GIPC2: variants seen among roughly 807,000 people sequenced by gnomAD.
GIPC2 encodes the protein GIPC PDZ domain containing family member 2, also known as PDZ domain-containing protein GIPC2.
A neutral mutation model predicts 30.6 loss-of-function variants in GIPC2; 30 were observed. The observed-to-expected ratio is 0.98, with a 90% confidence interval of 0.73 to 1.33. The LOEUF is 1.33. GIPC2 is among the 40% of genes most tolerant of loss of function. The probability of loss-of-function intolerance (pLI) is 0.00; values close to 1 mark genes in which losing one functional copy is unlikely to be tolerated. For missense variants in GIPC2, 414 were observed against 390.3 expected (o/e 1.06, Z -0.51); for synonymous variants, 167 against 150.0 (o/e 1.11, Z -0.83).
At chr1:78,083,451 A>G (rs1661869392) in intron 2 of GIPC2, among the ~76,000 whole-genome samples, 3 of 152,192 alleles carry the variant, frequency 2.0e-5, no homozygotes, top group South Asian at 4.1e-4. Context: ...AGTGTCCACT[A>G]GTCTTTTTCA....
intron 5 of GIPC2, among the ~76,000 whole-genome samples, chr1:78,132,703 A>G (rs1662923500): frequency 1.4e-5 from 1 of 70,828 alleles, no homozygotes; most frequent in East Asian, 5.5e-4. Context: ...GTGTGTAGAG[A>G]GAGAAATTGA....
intron 2 of GIPC2, among the ~76,000 whole-genome samples, chr1:78,087,494 G>C (rs550268679): frequency 6.6e-6 from 1 of 152,218 alleles, no homozygotes; most frequent in African/African-American, 2.4e-5. Context: ...TAAGCAATGG[G>C]GAAGACTCCC....
At chr1:78,067,520 C>T (rs1299328392) in intron 1 of GIPC2, among the ~76,000 whole-genome samples, 2 of 151,980 alleles carry the variant, frequency 1.3e-5, no homozygotes, top group Admixed American at 6.6e-5. Flanking sequence ...GTCGTGGTCT[C>T]AGCTCAATGC....
intron 1 of GIPC2, among the ~76,000 whole-genome samples, chr1:78,063,460 C>T (rs1375182587): frequency 1.3e-5 from 2 of 151,292 alleles, no homozygotes; most frequent in Admixed American, 6.6e-5. Context: ...CCATTACACT[C>T]CAGCCTGGGC....
In GIPC2 at chr1:78,066,257, A is replaced by T. The variant is rs115852259; in HGVS notation, c.241-14418A>T. Among the ~76,000 whole-genome samples the T allele has an allele frequency of 7.6e-4, 115 of 152,300 alleles. No individual in the cohort carries two copies. In the Middle Eastern group the frequency reaches 0.017, roughly 23 times the overall value. ...ACAGACACTTTTCAAAAGCAGACATACATGTGACCAACAGTCATATTAAAA... is the reference window on the plus strand; with the variant it reads ...ACAGACACTTTTCAAAAGCAGACATTCATGTGACCAACAGTCATATTAAAA... On this transcript the variant is annotated intron_variant, in intron 1 of 5. Coordinates refer to ENST00000370759, the MANE Select transcript of GIPC2 (RefSeq NM_017655.6).
At chr1:78,093,449 T>C (rs1465729132) in intron 2 of GIPC2, among the ~76,000 whole-genome samples, 1 of 152,234 alleles carries the variant, frequency 6.6e-6, no homozygotes, top group Non-Finnish European at 1.5e-5. Flanking sequence ...GACATTTGCA[T>C]ATAGCATGTT....
intron 5 of GIPC2, among the ~76,000 whole-genome samples, chr1:78,127,145 A>G (rs183766532): frequency 2.0e-5 from 3 of 152,294 alleles, no homozygotes; most frequent in Admixed American, 6.5e-5. Context: ...GAACTTGACT[A>G]TTTTGTTTAT....
chr1:78,058,509 A>G (rs1159631145), intron 1 of GIPC2, among the ~76,000 whole-genome samples: 2 of 152,180 alleles, frequency 1.3e-5, no homozygotes, highest in African/African-American at 4.8e-5. Context: ...AAAGGTGAAG[A>G]TGACATAGCC....
chr1:78,099,913 T>C (rs900065165), intron 3 of GIPC2, among the ~76,000 whole-genome samples: 1 of 152,062 alleles, frequency 6.6e-6, no homozygotes, highest in African/African-American at 2.4e-5. Flanking sequence ...GTGTTTTTGG[T>C]TAGAGGTTAT....
At chr1:78,129,272 A>G (rs1662844651) in intron 5 of GIPC2, among the ~76,000 whole-genome samples, 2 of 152,184 alleles carry the variant, frequency 1.3e-5, no homozygotes, top group Non-Finnish European at 2.9e-5. Flanking sequence ...CCATTGTTAA[A>G]TTAGGAATTT....
chr1:78,093,306 C>T (rs1049521250), intron 2 of GIPC2, among the ~76,000 whole-genome samples: 5 of 151,838 alleles, frequency 3.3e-5, no homozygotes, highest in Middle Eastern at 3.4e-3. Flanking sequence ...TGAGTGATTC[C>T]CATTGTTTCT....
rs2102629795 is a variant in GIPC2, at chr1:78,046,159, GC to G, written c.66del (p.Glu23SerfsTer64). ...AAGGAGACCGCCGGGCTGGTGGAGG[GC>G]GAGCCGACGGGCGCGGGCGGCGGGA... ...KSKETAGLVE[G>X]EPTGAGGGSL... On this transcript the variant is annotated frameshift_variant, in exon 1 of 6. Coordinates refer to ENST00000370759, the MANE Select transcript of GIPC2 (RefSeq NM_017655.6). LOFTEE classifies it high-confidence loss of function. The G allele has an allele frequency of 1.3e-6, 2 of 1,552,622 alleles. No individual in the cohort carries two copies. Among genetic ancestry groups the G allele is most frequent in the East Asian group, 4.9e-5 (2 of 40,668 alleles).
At chr1:78,046,428 T>C (rs1446077220) in intron 1 of GIPC2, 94 bp downstream of exon 1, 5 of 1,207,538 alleles carry the variant, frequency 4.1e-6, no homozygotes, top group Admixed American at 4.5e-5. Flanking sequence ...GAGCGGCGTT[T>C]CCCGGAGCGC....
At chr1:78,095,266 T>C in intron 3 of GIPC2, 134 bp downstream of exon 3, 1 of 584,240 alleles carries the variant, frequency 1.7e-6, no homozygotes, top group Non-Finnish European at 3.1e-6. Context: ...GTTAAAAACA[T>C]AGAAAATGGT....
intron 5 of GIPC2, among the ~76,000 whole-genome samples, chr1:78,129,540 T>A (rs1393184199): frequency 6.6e-6 from 1 of 152,256 alleles, no homozygotes; most frequent in East Asian, 1.9e-4. Flanking sequence ...GAGGTGTTTA[T>A]TATTTGAAAA....
upstream of GIPC2, chr1:78,045,451 G>T: frequency 2.1e-6 from 1 of 480,526 alleles, no homozygotes; most frequent in Non-Finnish European, 2.7e-6. Flanking sequence ...AAATGGCTTT[G>T]GAGGCGTGCT....
chr1:78,090,151 G>T (rs896920212), intron 2 of GIPC2, among the ~76,000 whole-genome samples: 3 of 152,012 alleles, frequency 2.0e-5, no homozygotes, highest in Admixed American at 2.0e-4. Context: ...GATGACACCT[G>T]GTTTAAGAGA....
intron 1 of GIPC2, among the ~76,000 whole-genome samples, chr1:78,048,391 A>G (rs1216418286): frequency 2.0e-5 from 3 of 151,758 alleles, no homozygotes; most frequent in South Asian, 2.1e-4. Flanking sequence ...CTGGATTTGA[A>G]TTCAGTGTAT....
chr1:78,115,896 T>A (rs895847607), intron 3 of GIPC2, among the ~76,000 whole-genome samples: 1 of 152,248 alleles, frequency 6.6e-6, no homozygotes, highest in African/African-American at 2.4e-5. Context: ...GCAAAATTAA[T>A]ATGCAAACTC....
Sources: allele counts gnomAD v4.1 joint callset (sites outside exome capture counted in the v4.1 genomes callset), GRCh38; gene constraint gnomAD v4.1.1; transcripts MANE v1.5; gene names NCBI Gene and HGNC (gene_info 2026-07-23, HGNC 2026-07-21).